Variants in LRRC37A observed in about 807,000 individuals in gnomAD.
The protein encoded by LRRC37A is leucine rich repeat containing 37A.
In LRRC37A, 3 loss-of-function variants were observed where a neutral mutation model predicts 35.4. The ratio of observed to expected loss-of-function variants is 0.08; its 90% CI spans 0.04 to 0.22. LRRC37A has a LOEUF of 0.22. LRRC37A is among the 10% of genes least tolerant of loss of function. LRRC37A has a pLI of 1.00. For missense variants in LRRC37A, 67 were observed against 565.3 expected, an observed-to-expected ratio of 0.12 and a Z score of 8.94; for synonymous variants, 23 against 215.0, an observed-to-expected ratio of 0.11 and a Z score of 7.81.
intron 3 of LRRC37A, among the ~76,000 whole-genome samples, chr17:46,304,812 G>C (rs1247750313): frequency 1.7e-5 from 1 of 57,608 alleles, no homozygotes; most frequent in East Asian, 3.4e-4. Context: ...TGATATTGAA[G>C]TGGCTTAGGA....
upstream of LRRC37A, among the ~76,000 whole-genome samples, chr17:46,290,536 T>G (rs1339933589): frequency 6.6e-6 from 1 of 152,218 alleles, no homozygotes; most frequent in Non-Finnish European, 1.5e-5. Flanking sequence ...AACCTCCGCC[T>G]TCTGGGTTCA....
the LRRC37A span, among the ~76,000 whole-genome samples, chr17:46,270,693 G>T: frequency 1.3e-5 from 2 of 152,338 alleles, no homozygotes; most frequent in African/African-American, 4.8e-5. Context: ...TGGATCACAA[G>T]GTCAGGAGTT....
At chr17:46,253,054 G>C in the LRRC37A span, among the ~76,000 whole-genome samples, 2 of 141,294 alleles carry the variant, frequency 1.4e-5, no homozygotes, top group African/African-American at 2.8e-5. Context: ...GGGCGGAGGG[G>C]CTCCTCACTT....
chr17:46,281,579 G>A, the LRRC37A span, among the ~76,000 whole-genome samples: 1 of 152,142 alleles, frequency 6.6e-6, no homozygotes, highest in Non-Finnish European at 1.5e-5. Context: ...ACAGGTGCAC[G>A]CCACTATGCC....
the LRRC37A span, among the ~76,000 whole-genome samples, chr17:46,259,019 A>ATTGTTTTTTTTTTTT: frequency 1.3e-5 from 1 of 79,468 alleles, no homozygotes; most frequent in Non-Finnish European, 2.2e-5. Context: ...CACCCGGCCT[A>ATTGTTTTTTTTTTTT]TTTTTTTTTT....
At chr17:46,259,394 C>G in the LRRC37A span, among the ~76,000 whole-genome samples, 1 of 152,210 alleles carries the variant, frequency 6.6e-6, no homozygotes, top group Non-Finnish European at 1.5e-5. Flanking sequence ...CCCCAGGTGC[C>G]ATAGGTCCCT....
chr17:46,267,916 TTTTA>T, the LRRC37A span, among the ~76,000 whole-genome samples: 2 of 135,152 alleles, frequency 1.5e-5, no homozygotes. Context: ...TTTTTTTTTT[TTTTA>T]GACAGAGTCT....
At chr17:46,250,011 C>T in the LRRC37A span, among the ~76,000 whole-genome samples, 1 of 152,306 alleles carries the variant, frequency 6.6e-6, no homozygotes, top group African/African-American at 2.4e-5. Context: ...TCACCATGTT[C>T]GTCTCAAACT....
the LRRC37A span, chr17:46,268,617 A>G: frequency 6.4e-7 from 1 of 1,557,106 alleles, no homozygotes; most frequent in Non-Finnish European, 8.7e-7. Context: ...GCTGAGGAGC[A>G]GCAGCAGCTA....
chr17:46,277,657 T>C, the LRRC37A span, among the ~76,000 whole-genome samples: 3 of 138,922 alleles, frequency 2.2e-5, no homozygotes, highest in Non-Finnish European at 3.1e-5. Flanking sequence ...TTCTTTCTTT[T>C]TTTTTTTTTG....
the LRRC37A span, among the ~76,000 whole-genome samples, chr17:46,269,876 A>G: frequency 6.6e-6 from 1 of 152,216 alleles, no homozygotes; most frequent in Non-Finnish European, 1.5e-5. Context: ...AGGTTTGAGA[A>G]AAAGCCTTTC....
the LRRC37A span, among the ~76,000 whole-genome samples, chr17:46,248,168 T>C: frequency 6.6e-6 from 1 of 151,922 alleles, no homozygotes; most frequent in Non-Finnish European, 1.5e-5. Flanking sequence ...CTGTAAGTTA[T>C]TTTTTTCTTA....
At chr17:46,267,385 C>G in the LRRC37A span, 4 of 1,599,750 alleles carry the variant, frequency 2.5e-6, no homozygotes, top group Non-Finnish European at 3.4e-6. Flanking sequence ...GGTGACCCTG[C>G]TGGTGGATCG....
the LRRC37A span, among the ~76,000 whole-genome samples, chr17:46,276,790 C>CTTTTCTTTTTTTTTTTTTT: frequency 1.5e-5 from 2 of 134,312 alleles, no homozygotes; most frequent in Admixed American, 7.7e-5. Flanking sequence ...TTCTTTTTTT[C>CTTTTCTTTTTTTTTTTTTT]TTTTTTTTTT....
the LRRC37A span, chr17:46,260,298 C>G: frequency 3.3e-6 from 5 of 1,508,638 alleles, no homozygotes; most frequent in East Asian, 7.4e-5. Context: ...CGCGCCGCGC[C>G]GCGAGCTGCA....
the LRRC37A span, among the ~76,000 whole-genome samples, chr17:46,282,762 C>A: frequency 6.6e-6 from 1 of 152,208 alleles, no homozygotes; most frequent in Non-Finnish European, 1.5e-5. Context: ...AAAATACCCT[C>A]TTAGAAACCA....
rs1198874922 is a variant in LRRC37A, at chr17:46,327,222, G to A, written c.3054-1170G>A. On this transcript the variant is annotated intron_variant, in intron 7 of 13. Coordinates refer to ENST00000320254, the Ensembl canonical transcript of LRRC37A. ...GATGTATCCTTCCTGCCTCGTAACC[G>A]CAGATGGCCTGTAATACTAAGTTTG... 9.2e-5 allele frequency among the ~76,000 whole-genome samples: 7 copies of A among 76,084 alleles called. 1 individual carries two copies. The highest frequency in any genetic ancestry group is 5.4e-4 in the South Asian group (1 of 1,866). 49.9% of individuals were successfully genotyped at this position (76,084 alleles called of 152,430 possible). A position where few individuals can be genotyped will look rare whatever the true frequency, so the allele number is the denominator to read the frequency against.
the LRRC37A span, among the ~76,000 whole-genome samples, chr17:46,279,366 T>G: frequency 6.6e-6 from 1 of 151,530 alleles, no homozygotes; most frequent in Non-Finnish European, 1.5e-5. Context: ...GTATTTTTAA[T>G]AGAGACGAGG....
chr17:46,271,918 G>A, the LRRC37A span, among the ~76,000 whole-genome samples: 1 of 152,136 alleles, frequency 6.6e-6, no homozygotes, highest in Non-Finnish European at 1.5e-5. Flanking sequence ...TGTGCCACTT[G>A]TCCAGCTAAA....
Sources: gnomAD v4.1 joint callset for allele counts (sites outside exome capture counted in the v4.1 genomes callset) on GRCh38, gnomAD v4.1.1 for gene constraint, MANE v1.5 for transcripts, NCBI Gene and HGNC (gene_info 2026-07-23, HGNC 2026-07-21) for gene names.